Variants in RERE observed in about 807,000 individuals in gnomAD.
The protein encoded by RERE is arginine-glutamic acid dipeptide repeats protein.
Under a neutral mutation model 146.1 loss-of-function variants are expected in RERE, and 40 were observed. The ratio of observed to expected loss-of-function variants is 0.27; its 90% CI spans 0.21 to 0.36. The LOEUF is 0.36. Ranked by LOEUF, RERE falls within the 10% of genes least tolerant of loss-of-function variation. The probability of loss-of-function intolerance (pLI) is 1.00; values close to 1 mark genes in which losing one functional copy is unlikely to be tolerated. For synonymous variants in RERE, 1,003 were observed against 866.0 expected (o/e 1.16, Z -2.78); for missense variants, 1,933 against 2,138.7 (o/e 0.90, Z 1.90).
At chr1:8,538,297 C>A (rs989502179) in intron 7 of RERE, among the ~76,000 whole-genome samples, 1 of 152,166 alleles carries the variant, frequency 6.6e-6, no homozygotes, top group Non-Finnish European at 1.5e-5. Flanking sequence ...CTTACTAGTC[C>A]TACTCATTAA....
intron 7 of RERE, among the ~76,000 whole-genome samples, chr1:8,518,263 A>G (rs1456270742): frequency 6.6e-6 from 1 of 152,178 alleles, no homozygotes; most frequent in African/African-American, 2.4e-5. Context: ...CCCCTCATTC[A>G]GCCCCTCCCC....
chr1:8,776,138 ATC>A (rs1221582443), intron 1 of RERE, among the ~76,000 whole-genome samples: 3 of 152,222 alleles, frequency 2.0e-5, no homozygotes, highest in Non-Finnish European at 4.4e-5. Flanking sequence ...TAAATTCTTC[ATC>A]TGTTTATCAT....
intron 10 of RERE, among the ~76,000 whole-genome samples, chr1:8,477,508 A>T (rs1644771656): frequency 6.6e-6 from 1 of 152,214 alleles, no homozygotes; most frequent in Non-Finnish European, 1.5e-5. Context: ...TGAAAACAGA[A>T]AAAAATTTGT....
At chr1:8,645,360 A>T (rs1017489300) in intron 2 of RERE, among the ~76,000 whole-genome samples, 3 of 152,146 alleles carry the variant, frequency 2.0e-5, no homozygotes, top group African/African-American at 7.2e-5. Context: ...ATGAAATCAC[A>T]TATTTTTTCT....
At chr1:8,511,174 T>G (rs752112199) in intron 7 of RERE, among the ~76,000 whole-genome samples, 2 of 152,140 alleles carry the variant, frequency 1.3e-5, no homozygotes, top group Non-Finnish European at 2.9e-5. Context: ...TACTTATATC[T>G]CACGTATTTC....
At chr1:8,481,859 G>A (rs1475511109) in intron 10 of RERE, among the ~76,000 whole-genome samples, 1 of 152,198 alleles carries the variant, frequency 6.6e-6, no homozygotes, top group African/African-American at 2.4e-5. Flanking sequence ...ATTCTTATAA[G>A]CTGAGACTGC....
intron 11 of RERE, among the ~76,000 whole-genome samples, chr1:8,443,750 C>T (rs922601224): frequency 6.6e-6 from 1 of 152,192 alleles, no homozygotes; most frequent in African/African-American, 2.4e-5. Context: ...GTGACTACAT[C>T]CTTGGCTCAA....
At chr1:8,425,816 A>G (rs1644003402) in intron 11 of RERE, 1 of 152,236 alleles carries the variant, frequency 6.6e-6, no homozygotes, top group Non-Finnish European at 1.5e-5. Flanking sequence ...TTGTGATGCA[A>G]TCCTTTGAAC....
At chr1:8,546,154 A>G (rs1044791441) in intron 6 of RERE, among the ~76,000 whole-genome samples, 1 of 150,328 alleles carries the variant, frequency 6.7e-6, no homozygotes, top group Non-Finnish European at 1.5e-5. Flanking sequence ...CACACCCAAC[A>G]ATTTTTTGTA....
chr1:8,529,287 C>CTTTTTTTTTTTTTTTTTTTTTTTT (rs34547801), intron 7 of RERE, among the ~76,000 whole-genome samples: 1 of 102,444 alleles, frequency 9.8e-6, no homozygotes, highest in African/African-American at 3.8e-5. Flanking sequence ...GTTCTCCCTT[C>CTTTTTTTTTTTTTTTTTTTTTTTT]TTTTTTTTTT....
At chr1:8,616,477 T>C (rs560467837) in intron 3 of RERE, among the ~76,000 whole-genome samples, 3 of 152,162 alleles carry the variant, frequency 2.0e-5, no homozygotes, top group Non-Finnish European at 2.9e-5. Flanking sequence ...AGAATTAAGT[T>C]TGAACAAGAC....
intron 7 of RERE, among the ~76,000 whole-genome samples, chr1:8,531,735 A>G (rs1645656043): frequency 2.0e-5 from 3 of 152,080 alleles, no homozygotes; most frequent in Admixed American, 6.5e-5. Flanking sequence ...TCTACAATTA[A>G]TTTTCCTTTT....
At position 8,465,498 on chromosome 1, in the gene RERE, G is replaced by GC. The variant is rs1231466723; in HGVS notation, c.1203+426dup. ...GCCCAGGAGTTCAAAACCAGCCTGA[G>GC]CAACACGGCAAAACCCCCTTCTCTA... On this transcript the variant is annotated intron_variant, in intron 11 of 22. Transcript: ENST00000400908. 23 of 346,264 alleles carry GC rather than the reference G, an allele frequency of 6.6e-5. No homozygotes were observed. The Admixed American group carries it at 8.9e-4, about 13-fold the overall frequency. The allele number at this position is 346,264 out of a possible 1,614,324, so 21.4% of individuals were successfully genotyped here.
chr1:8,682,505 T>C (rs1484034648), intron 1 of RERE, among the ~76,000 whole-genome samples: 4 of 152,200 alleles, frequency 2.6e-5, no homozygotes. Flanking sequence ...AGTTCAGTTT[T>C]ACCCACCATA....
At chr1:8,635,578 T>A (rs1321584581) in intron 2 of RERE, among the ~76,000 whole-genome samples, 2 of 152,216 alleles carry the variant, frequency 1.3e-5, no homozygotes, top group Non-Finnish European at 2.9e-5. Flanking sequence ...TGCTTTAGCA[T>A]GCTCCTTTTG....
At chr1:8,384,324 G>T (rs1557601980) in intron 12 of RERE, among the ~76,000 whole-genome samples, 1 of 152,176 alleles carries the variant, frequency 6.6e-6, no homozygotes, top group Admixed American at 6.5e-5. Context: ...TACAATGTCA[G>T]TTCTGTAATC....
At chr1:8,807,094 C>T (rs1641706319) in intron 1 of RERE, 1 of 152,186 alleles carries the variant, frequency 6.6e-6, no homozygotes, top group South Asian at 2.1e-4. Context: ...CTCTGTCTCC[C>T]AGGCTGGAAA....
intron 4 of RERE, among the ~76,000 whole-genome samples, chr1:8,611,652 C>G (rs571068830): frequency 2.1e-4 from 32 of 152,100 alleles, no homozygotes; most frequent in Admixed American, 3.9e-4. Context: ...TGCTAACTAA[C>G]TAATATCCTC....
chr1:8,773,850 T>C (rs1641004888), intron 1 of RERE, among the ~76,000 whole-genome samples: 1 of 152,132 alleles, frequency 6.6e-6, no homozygotes, highest in Non-Finnish European at 1.5e-5. Flanking sequence ...TAAAGTAAGT[T>C]ACAATGCTGT....
Sources: allele counts gnomAD v4.1 joint callset (sites outside exome capture counted in the v4.1 genomes callset), GRCh38; gene constraint gnomAD v4.1.1; transcripts MANE v1.5; gene names NCBI Gene and HGNC (gene_info 2026-07-23, HGNC 2026-07-21).